ASIC2: variants seen among roughly 807,000 people sequenced by gnomAD.
ASIC2 encodes acid sensing ion channel subunit 2.
A neutral mutation model predicts 57.3 loss-of-function variants in ASIC2; 25 were observed. The ratio of observed to expected loss-of-function variants is 0.44; its 90% CI spans 0.32 to 0.61. The LOEUF (loss-of-function observed/expected upper bound fraction) is 0.61, where lower values mean the gene tolerates loss of function less well. Ranked by LOEUF, ASIC2 falls within the 20% of genes least tolerant of loss-of-function variation. ASIC2 has a pLI of 0.06. For missense variants in ASIC2, 641 were observed against 738.1 expected (o/e 0.87, Z 1.52); for synonymous variants, 319 against 307.5 (o/e 1.04, Z -0.39).
chr17:33,090,686 C>G (rs2092154365), intron 2 of ASIC2, among the ~76,000 whole-genome samples: 1 of 151,948 alleles, frequency 6.6e-6, no homozygotes, highest in South Asian at 2.1e-4. Context: ...AGAAGAGAGT[C>G]ACTGGGAAGG....
chr17:33,629,922 C>A (rs1236940299), intron 1 of ASIC2, among the ~76,000 whole-genome samples: 1 of 152,210 alleles, frequency 6.6e-6, no homozygotes, highest in Non-Finnish European at 1.5e-5. Flanking sequence ...CCATGAGGCT[C>A]AGCAAGACGA....
intron 1 of ASIC2, among the ~76,000 whole-genome samples, chr17:34,028,764 C>T (rs1451164771): frequency 1.4e-4 from 22 of 152,152 alleles, no homozygotes; most frequent in East Asian, 3.9e-4. Flanking sequence ...CACAGAGAAG[C>T]GATTTCCTGC....
chr17:33,632,436 C>T (rs762489655), intron 1 of ASIC2, among the ~76,000 whole-genome samples: 21 of 152,230 alleles, frequency 1.4e-4, no homozygotes, highest in Non-Finnish European at 2.9e-4. Context: ...GCACTCAGGA[C>T]TGCCCAGTGC....
At chr17:33,030,236 T>G (rs1210538991) in intron 3 of ASIC2, among the ~76,000 whole-genome samples, 1 of 152,186 alleles carries the variant, frequency 6.6e-6, no homozygotes, top group Admixed American at 6.5e-5. Context: ...ATATAGAACA[T>G]TTCCATGAAT....
intron 1 of ASIC2, among the ~76,000 whole-genome samples, chr17:34,060,455 A>G (rs1438196583): frequency 6.6e-6 from 1 of 152,176 alleles, no homozygotes; most frequent in Non-Finnish European, 1.5e-5. Context: ...CCTCCCAAAA[A>G]ATCACACTAG....
intron 1 of ASIC2, among the ~76,000 whole-genome samples, chr17:33,968,900 T>C (rs1905146312): frequency 6.6e-6 from 1 of 152,228 alleles, no homozygotes; most frequent in African/African-American, 2.4e-5. Flanking sequence ...GACAGGGGGC[T>C]TGTGACAGGT....
intron 1 of ASIC2, among the ~76,000 whole-genome samples, chr17:33,313,245 T>C (rs1328757559): frequency 6.6e-6 from 1 of 151,696 alleles, no homozygotes; most frequent in Non-Finnish European, 1.5e-5. Flanking sequence ...CAGGGTTGCT[T>C]GAGCCCAGGA....
intron 1 of ASIC2, among the ~76,000 whole-genome samples, chr17:33,447,929 A>G (rs997373121): frequency 1.3e-5 from 2 of 150,226 alleles, no homozygotes; most frequent in South Asian, 2.1e-4. Flanking sequence ...AAAAAAAAAA[A>G]AAAGAAAAGA....
At chr17:33,764,194 G>T (rs1910866776) in intron 1 of ASIC2, among the ~76,000 whole-genome samples, 1 of 152,068 alleles carries the variant, frequency 6.6e-6, no homozygotes, top group African/African-American at 2.4e-5. Context: ...GCGGGCACCT[G>T]TAGTCCCAGC....
At chr17:33,725,103 C>G (rs186456037) in intron 1 of ASIC2, among the ~76,000 whole-genome samples, 1 of 152,310 alleles carries the variant, frequency 6.6e-6, no homozygotes, top group Non-Finnish European at 1.5e-5. Flanking sequence ...GTGGGGCATC[C>G]CCCTGTGGTG....
chr17:33,982,955 C>A (rs940082661), intron 1 of ASIC2, among the ~76,000 whole-genome samples: 1 of 152,170 alleles, frequency 6.6e-6, no homozygotes, highest in Admixed American at 6.5e-5. Context: ...CAGATTTTAG[C>A]AAGGTGGAAA....
chr17:33,781,176 T>C (rs16968886), intron 1 of ASIC2, among the ~76,000 whole-genome samples: 6,974 of 152,292 alleles, frequency 0.046, 361 homozygotes, highest in African/African-American at 0.13. Context: ...CCGCGTTTAA[T>C]GTTTGCTAAC....
At chr17:33,403,423 T>A (rs1249847115) in intron 1 of ASIC2, among the ~76,000 whole-genome samples, 1 of 152,246 alleles carries the variant, frequency 6.6e-6, no homozygotes, top group South Asian at 2.1e-4. Context: ...GGGTTGAGCT[T>A]ATCTTGCATT....
chr17:33,163,656 A>T (rs1270540578), intron 1 of ASIC2, among the ~76,000 whole-genome samples: 1 of 152,140 alleles, frequency 6.6e-6, no homozygotes, highest in Non-Finnish European at 1.5e-5. Context: ...GCTCTAGGAG[A>T]TACAGGATTG....
At chr17:33,735,200 T>C (rs1909873555) in intron 1 of ASIC2, among the ~76,000 whole-genome samples, 2 of 152,026 alleles carry the variant, frequency 1.3e-5, no homozygotes, top group Admixed American at 1.3e-4. Flanking sequence ...CTGCCTGCCA[T>C]TGTGTTTGCT....
At chr17:33,736,913 A>C (rs1467111542) in intron 1 of ASIC2, among the ~76,000 whole-genome samples, 1 of 152,098 alleles carries the variant, frequency 6.6e-6, no homozygotes, top group Non-Finnish European at 1.5e-5. Flanking sequence ...GATCTAAATA[A>C]TGTGGTCTCT....
intron 1 of ASIC2, among the ~76,000 whole-genome samples, chr17:33,349,563 C>T (rs1405430839): frequency 6.6e-6 from 1 of 152,166 alleles, no homozygotes; most frequent in East Asian, 1.9e-4. Context: ...CCCCTCATCC[C>T]GAATGCCCTC....
intron 1 of ASIC2, among the ~76,000 whole-genome samples, chr17:33,670,868 C>T (rs954719496): frequency 7.2e-5 from 11 of 152,302 alleles, no homozygotes; most frequent in African/African-American, 2.6e-4. Flanking sequence ...GAGTAGTACA[C>T]AAACTTAGCT....
chr17:34,014,973 C>T (rs1284844572), intron 1 of ASIC2, among the ~76,000 whole-genome samples: 2 of 151,888 alleles, frequency 1.3e-5, no homozygotes, highest in Non-Finnish European at 1.5e-5. Flanking sequence ...AATCCTCGAC[C>T]TCACAGGCTC....
Sources: allele counts gnomAD v4.1 joint callset (sites outside exome capture counted in the v4.1 genomes callset), GRCh38; gene constraint gnomAD v4.1.1; transcripts MANE v1.5; gene names NCBI Gene and HGNC (gene_info 2026-07-23, HGNC 2026-07-21).